Variants in PMP22 observed in about 807,000 individuals in gnomAD.
The protein encoded by PMP22 is peripheral myelin protein 22.
A neutral mutation model predicts 18.9 loss-of-function variants in PMP22; 2 were observed. That is an observed-to-expected ratio of 0.11 (90% CI 0.04 to 0.33). The LOEUF is 0.33. Ranked by LOEUF, PMP22 falls within the 10% of genes least tolerant of loss-of-function variation. The pLI, the probability that PMP22 is intolerant of heterozygous loss-of-function variation, is 1.00. For missense variants in PMP22, 169 were observed against 202.2 expected, an observed-to-expected ratio of 0.84 and a Z score of 1.00; for synonymous variants, 95 against 89.2, an observed-to-expected ratio of 1.07 and a Z score of -0.37.
At position 15,260,778 on chromosome 17, in the gene PMP22, G is replaced by A. The variant is rs773485031; in HGVS notation, c.-34-17C>T. 7 of 1,484,732 alleles carry A rather than the reference G, an allele frequency of 4.7e-6. No homozygotes were observed. The highest frequency in any genetic ancestry group is 1.4e-5 in the African/African-American group (1 of 71,744). The allele number at this position is 1,484,732 out of a possible 1,614,324, so 92.0% of individuals were successfully genotyped here. A position where few individuals can be genotyped will look rare whatever the true frequency, so the allele number is the denominator to read the frequency against. ...AGTTTCTGCCTGCGAGGAGAGCGCTGGGCGTGAGGCCGAACGCACTGGGCC... is the reference window on the plus strand; with the variant it reads ...AGTTTCTGCCTGCGAGGAGAGCGCTAGGCGTGAGGCCGAACGCACTGGGCC... On this transcript the variant is annotated splice_polypyrimidine_tract_variant and intron_variant, in intron 1 of 4. Transcript: ENST00000312280.
At chr17:15,232,153 A>G (rs1312701611) in intron 4 of PMP22, among the ~76,000 whole-genome samples, 6 of 151,816 alleles carry the variant, frequency 4.0e-5, no homozygotes, top group Non-Finnish European at 7.4e-5. Context: ...GGCCACCTAC[A>G]TCTAACCTCA....
At chr17:15,260,432 A>C (rs1253586106) in intron 2 of PMP22, 3 of 618,044 alleles carry the variant, frequency 4.9e-6, no homozygotes, top group African/African-American at 1.8e-5. Context: ...AGACCTGCGC[A>C]GCTAACCCAG....
Position 15,259,103 on chromosome 17 carries a change from A to T in PMP22, c.169T>A (p.Ser57Thr). ...SGNVHHCFSSSPNEWLQSVQA... is the reference protein window; with the variant it reads ...SGNVHHCFSSTPNEWLQSVQA... Reference sequence around the variant, plus strand: ...ACAAAACCAGCCTCACCGTTTGGTGATGATGAGAAACAGTGGTGGACATTT... The same window carrying T: ...ACAAAACCAGCCTCACCGTTTGGTGTTGATGAGAAACAGTGGTGGACATTT... Residue 57 changes from serine (S) to threonine (T), a missense_variant, in exon 3 of 5, where the codon TCA becomes ACA. Coordinates refer to ENST00000312280, the MANE Select transcript of PMP22 (RefSeq NM_000304.4). 2 of 1,611,944 alleles carry T rather than the reference A, an allele frequency of 1.2e-6. No homozygotes were observed. Among genetic ancestry groups the T allele is most frequent in the Non-Finnish European group, 1.7e-6 (2 of 1,177,980 alleles).
At chr17:15,234,375 T>C (rs1906612246) in intron 4 of PMP22, among the ~76,000 whole-genome samples, 1 of 152,156 alleles carries the variant, frequency 6.6e-6, no homozygotes, top group South Asian at 2.1e-4. Context: ...AAAAGCACTT[T>C]CATTTGAGAG....
At chr17:15,238,858 G>A (rs1487162927) in intron 4 of PMP22, among the ~76,000 whole-genome samples, 1 of 152,180 alleles carries the variant, frequency 6.6e-6, no homozygotes, top group African/African-American at 2.4e-5. Context: ...GTTTTCATGT[G>A]TTGTCATAGC....
intron 4 of PMP22, among the ~76,000 whole-genome samples, chr17:15,234,847 T>A (rs553011752): frequency 5.3e-5 from 8 of 151,422 alleles, no homozygotes; most frequent in African/African-American, 1.7e-4. Context: ...AGGGTCTCAC[T>A]CTGTCACCAG....
chr17:15,255,503 A>C (rs1485474521), intron 3 of PMP22, among the ~76,000 whole-genome samples: 1 of 151,484 alleles, frequency 6.6e-6, no homozygotes, highest in Non-Finnish European at 1.5e-5. Flanking sequence ...ATGAGCTAGA[A>C]AGTGTCTGCA....
Position 15,265,306 on chromosome 17 carries a change from C to T in PMP22, c.-187G>A, listed in dbSNP as rs143283160. 9.8e-5 allele frequency: 15 copies of T among 152,306 alleles called. No homozygotes were observed. The highest frequency in any genetic ancestry group is 3.4e-4 in the African/African-American group (14 of 41,554). The allele number at this position is 152,306 out of a possible 1,614,324, so 9.4% of individuals were successfully genotyped here. On this transcript the variant is annotated 5_prime_UTR_variant, in exon 1 of 5. Transcript: ENST00000312280. Reference sequence around the variant, plus strand: ...CCAACCAGGCTCCCCGAGATGTTCCCTGGTGGTGCTCCCTGTAACTGAAGC... The same window carrying T: ...CCAACCAGGCTCCCCGAGATGTTCCTTGGTGGTGCTCCCTGTAACTGAAGC...
Position 15,231,095 on chromosome 17 carries a change from G to A in PMP22, c.320-15C>T, listed in dbSNP as rs757540854. 2 of 1,612,948 alleles carry A rather than the reference G, an allele frequency of 1.2e-6. No individual in the cohort carries two copies. The highest frequency in any genetic ancestry group is 1.7e-6 in the Non-Finnish European group (2 of 1,179,898). ...CACGCACAGACCTGGGGAAGGAGAG[G>A]GACAAGCTGGGTGACGGAGAGTCCA... On this transcript the variant is annotated splice_polypyrimidine_tract_variant and intron_variant, in intron 4 of 4. Coordinates refer to ENST00000312280, the MANE Select transcript of PMP22 (RefSeq NM_000304.4).
At chr17:15,247,253 C>T (rs982234121) in intron 3 of PMP22, among the ~76,000 whole-genome samples, 4 of 151,888 alleles carry the variant, frequency 2.6e-5, no homozygotes, top group African/African-American at 4.8e-5. Context: ...CCTGTAGTCC[C>T]AACTACTTGG....
chr17:15,250,296 C>T (rs991644285), intron 3 of PMP22, among the ~76,000 whole-genome samples: 1 of 152,152 alleles, frequency 6.6e-6, no homozygotes, highest in Non-Finnish European at 1.5e-5. Context: ...TCCTCTCCTT[C>T]CTGTACCCTC....
At chr17:15,240,477 G>A (rs116616222) in intron 3 of PMP22, among the ~76,000 whole-genome samples, 3 of 142,862 alleles carry the variant, frequency 2.1e-5, no homozygotes, top group African/African-American at 7.9e-5. Context: ...GTGTGTGATC[G>A]CCAACCACCA....
intron 3 of PMP22, chr17:15,251,767 C>T (rs1908373091): frequency 6.6e-6 from 1 of 152,104 alleles, no homozygotes; most frequent in African/African-American, 2.4e-5. Context: ...CATCCACAAC[C>T]TCAGGCTGCA....
chr17:15,263,931 T>C (rs539667019), intron 1 of PMP22, among the ~76,000 whole-genome samples: 1 of 152,310 alleles, frequency 6.6e-6, no homozygotes, highest in Non-Finnish European at 1.5e-5. Context: ...CCAACAAACC[T>C]AATCACCCTG....
chr17:15,260,534 G>T, intron 2 of PMP22, 116 bp downstream of exon 2: 3 of 887,830 alleles, frequency 3.4e-6, no homozygotes, highest in Non-Finnish European at 5.5e-6. Context: ...TCCCTGGGAC[G>T]TCTGAGACTT....
chr17:15,239,320 T>A (rs1023725692), intron 4 of PMP22, 151 bp downstream of exon 4: 1 of 884,484 alleles, frequency 1.1e-6, no homozygotes, highest in African/African-American at 1.6e-5. Context: ...CACCCACACA[T>A]ACAAGCACCC....
At position 15,230,849 on chromosome 17, in the gene PMP22, T is replaced by G. The variant is rs1431376156; in HGVS notation, c.*68A>C. The stretch of plus-strand genomic sequence containing the variant: ...TTGGGCTAGCTCTTTTTTCTTTGTC[T>G]GCTTTCTGTTTTCCCTTCCTCCCTT... On this transcript the variant is annotated 3_prime_UTR_variant, in exon 5 of 5. Transcript: ENST00000312280. 1.3e-6 allele frequency: 2 copies of G among 1,562,266 alleles called. No individual in the cohort carries two copies. Among genetic ancestry groups the G allele is most frequent in the Non-Finnish European group, 1.8e-6 (2 of 1,136,554 alleles).
intron 3 of PMP22, among the ~76,000 whole-genome samples, chr17:15,251,915 C>T (rs1335341925): frequency 6.6e-6 from 1 of 152,022 alleles, no homozygotes; most frequent in African/African-American, 2.4e-5. Flanking sequence ...TTCAAACAAA[C>T]ATTTCATACT....
In PMP22 at chr17:15,259,192, T is replaced by G; in HGVS notation, c.80A>C (p.Gln27Pro). 2 of 1,609,654 alleles carry G rather than the reference T, an allele frequency of 1.2e-6. No individual in the cohort carries two copies. Among genetic ancestry groups the G allele is most frequent in the Non-Finnish European group, 1.7e-6 (2 of 1,176,016 alleles). ...TGCGTGTCCATTGCCCACGATCCAT[T>G]GCTAGAGAGAATCAGATAGATATCC... ...VLLFVSTIVSQWIVGNGHATD... is the reference protein window; with the variant it reads ...VLLFVSTIVSPWIVGNGHATD... Residue 27 changes from glutamine (Q) to proline (P), a missense_variant and splice_region_variant, in exon 3 of 5, where the codon CAA becomes CCA. Transcript: ENST00000312280.
Sources: gnomAD v4.1 joint callset for allele counts (sites outside exome capture counted in the v4.1 genomes callset) on GRCh38, gnomAD v4.1.1 for gene constraint, MANE v1.5 for transcripts, NCBI Gene and HGNC (gene_info 2026-07-23, HGNC 2026-07-21) for gene names.